IMMP2L: variants seen among roughly 807,000 people sequenced by gnomAD.
IMMP2L encodes mitochondrial inner membrane protease subunit 2.
A neutral mutation model predicts 19.3 loss-of-function variants in IMMP2L; 18 were observed. That is an observed-to-expected ratio of 0.93 (90% confidence interval 0.64 to 1.38). The LOEUF (loss-of-function observed/expected upper bound fraction) is 1.38, where lower values mean the gene tolerates loss of function less well. IMMP2L is among the 40% of genes most tolerant of loss of function. IMMP2L has a pLI of 0.00. For missense variants in IMMP2L, 233 were observed against 218.2 expected, an observed-to-expected ratio of 1.07 and a Z score of -0.43; for synonymous variants, 76 against 73.0, an observed-to-expected ratio of 1.04 and a Z score of -0.21.
intron 3 of IMMP2L, among the ~76,000 whole-genome samples, chr7:111,268,750 T>C (rs1818128413): frequency 6.6e-6 from 1 of 151,390 alleles, no homozygotes; most frequent in Non-Finnish European, 1.5e-5. Flanking sequence ...AGCACCACCA[T>C]GCCTGGCTAA....
chr7:110,820,151 T>G (rs1029639016), intron 5 of IMMP2L, among the ~76,000 whole-genome samples: 2 of 152,070 alleles, frequency 1.3e-5, no homozygotes, highest in African/African-American at 4.8e-5. Context: ...TAAATCTACT[T>G]ATCTTCAGGG....
rs144795477 is a variant in IMMP2L, at chr7:111,557,845, G to C, written c.-3+4006C>G. ...AGATAGATATACTAAAAAAAGGAGG[G>C]GCGAGGTTAATGAATAAGGTACGAG... On this transcript the variant is annotated intron_variant, in intron 1 of 5. Coordinates refer to ENST00000405709, the MANE Select transcript of IMMP2L (RefSeq NM_032549.4). Among the ~76,000 whole-genome samples the C allele has an allele frequency of 2.1e-3, 321 of 151,988 alleles. 3 individuals carry two copies. Among genetic ancestry groups the C allele is most frequent in the African/African-American group, 7.3e-3 (303 of 41,452 alleles).
At position 110,825,244 on chromosome 7, in the gene IMMP2L, G is replaced by A. The variant is rs187637975; in HGVS notation, c.408+61349C>T. Among the ~76,000 whole-genome samples the A allele has an allele frequency of 2.0e-3, 300 of 152,232 alleles. 5 individuals carry two copies. Among genetic ancestry groups the A allele is most frequent in the African/African-American group, 6.8e-3 (284 of 41,538 alleles). On this transcript the variant is annotated intron_variant, in intron 5 of 5. Transcript: ENST00000405709. The stretch of plus-strand genomic sequence containing the variant: ...CATGGATAGGAAGAATCAATATCGT[G>A]AAAATGGCCATACTGCCCAAGGTAA...
At chr7:111,376,892 T>G (rs1830724595) in intron 3 of IMMP2L, among the ~76,000 whole-genome samples, 1 of 151,592 alleles carries the variant, frequency 6.6e-6, no homozygotes, top group African/African-American at 2.4e-5. Flanking sequence ...AGGGACAGAG[T>G]GAATGGAGGT....
intron 3 of IMMP2L, among the ~76,000 whole-genome samples, chr7:111,107,596 C>A (rs961589458): frequency 1.3e-5 from 2 of 152,078 alleles, no homozygotes; most frequent in Non-Finnish European, 2.9e-5. Context: ...TTTACTTTAT[C>A]TGAATAGAAT....
intron 5 of IMMP2L, among the ~76,000 whole-genome samples, chr7:110,701,253 G>A (rs1304346485): frequency 6.6e-6 from 1 of 152,182 alleles, no homozygotes; most frequent in African/African-American, 2.4e-5. Flanking sequence ...CATATATAAT[G>A]CAGTATATAT....
At chr7:111,044,605 G>T (rs1372303181) in intron 3 of IMMP2L, among the ~76,000 whole-genome samples, 1 of 152,136 alleles carries the variant, frequency 6.6e-6, no homozygotes, top group Non-Finnish European at 1.5e-5. Flanking sequence ...CTATAATTCT[G>T]GATATCTTTA....
At chr7:110,761,319 A>C (rs1798336904) in intron 5 of IMMP2L, among the ~76,000 whole-genome samples, 1 of 152,162 alleles carries the variant, frequency 6.6e-6, no homozygotes, top group Admixed American at 6.6e-5. Context: ...CTGACTGTTT[A>C]GCAAACAAAG....
chr7:111,458,131 C>A (rs1264086712), intron 3 of IMMP2L, among the ~76,000 whole-genome samples: 1 of 152,162 alleles, frequency 6.6e-6, no homozygotes, highest in African/African-American at 2.4e-5. Flanking sequence ...GTAATCCCAG[C>A]ACTCTGGGAG....
chr7:111,081,233 G>C (rs1795863308), intron 3 of IMMP2L, among the ~76,000 whole-genome samples: 1 of 152,090 alleles, frequency 6.6e-6, no homozygotes, highest in Non-Finnish European at 1.5e-5. Flanking sequence ...ATCTGCAAAA[G>C]ACAATTACAT....
At chr7:111,367,218 TA>T (rs1197640261) in intron 3 of IMMP2L, among the ~76,000 whole-genome samples, 1 of 151,726 alleles carries the variant, frequency 6.6e-6, no homozygotes, top group Non-Finnish European at 1.5e-5. Context: ...TAGGAAATAT[TA>T]CATCAGAAAG....
intron 3 of IMMP2L, among the ~76,000 whole-genome samples, chr7:111,310,993 T>G (rs1404208959): frequency 1.3e-5 from 2 of 152,180 alleles, no homozygotes; most frequent in African/African-American, 4.8e-5. Context: ...TCTTTTAAAA[T>G]TTTTAAGTAT....
intron 3 of IMMP2L, among the ~76,000 whole-genome samples, chr7:111,019,021 AGGATACACT>A (rs1826011617): frequency 6.6e-6 from 1 of 151,822 alleles, no homozygotes; most frequent in Admixed American, 6.6e-5. Context: ...TTCTAAATAG[AGGATACACT>A]GTAATGACTA....
intron 5 of IMMP2L, among the ~76,000 whole-genome samples, chr7:110,773,329 C>G (rs1434127182): frequency 6.6e-6 from 1 of 152,138 alleles, no homozygotes; most frequent in Non-Finnish European, 1.5e-5. Context: ...AAATTTACCT[C>G]CTAATTGGCT....
intron 3 of IMMP2L, among the ~76,000 whole-genome samples, chr7:110,992,098 C>T (rs551332731): frequency 5.9e-5 from 9 of 152,212 alleles, no homozygotes; most frequent in South Asian, 2.1e-4. Flanking sequence ...ATACATGCTA[C>T]AATTATATGT....
At chr7:110,825,858 G>A (rs1354647281) in intron 5 of IMMP2L, among the ~76,000 whole-genome samples, 3 of 152,156 alleles carry the variant, frequency 2.0e-5, no homozygotes, top group African/African-American at 7.2e-5. Context: ...AAACTAAAGA[G>A]CTTCTGCACA....
intron 3 of IMMP2L, among the ~76,000 whole-genome samples, chr7:110,979,872 A>C (rs1821083178): frequency 1.3e-5 from 2 of 152,134 alleles, no homozygotes; most frequent in African/African-American, 4.8e-5. Context: ...ACAGCTTTAT[A>C]AATATACTAA....
chr7:111,254,885 G>T (rs138068896), intron 3 of IMMP2L, among the ~76,000 whole-genome samples: 259 of 152,018 alleles, frequency 1.7e-3, no homozygotes, highest in African/African-American at 5.1e-3. Flanking sequence ...ATTGTTTCTG[G>T]GAAAAATCTT....
At chr7:111,084,345 TA>T (rs2035882019) in intron 3 of IMMP2L, among the ~76,000 whole-genome samples, 1 of 148,550 alleles carries the variant, frequency 6.7e-6, no homozygotes, top group South Asian at 2.2e-4. Context: ...AAAGCCAGTT[TA>T]GGGGAGCGCT....
Sources: allele counts gnomAD v4.1 joint callset (sites outside exome capture counted in the v4.1 genomes callset), GRCh38; gene constraint gnomAD v4.1.1; transcripts MANE v1.5; gene names NCBI Gene and HGNC (gene_info 2026-07-23, HGNC 2026-07-21).